The following MSRA variants were observed in gnomAD, a reference collection of about 807,000 sequenced individuals.
MSRA encodes the protein methionine sulfoxide reductase A, also known as mitochondrial peptide methionine sulfoxide reductase.
Under a neutral mutation model 31.3 loss-of-function variants are expected in MSRA, and 54 were observed. The ratio of observed to expected loss-of-function variants is 1.73; its 90% CI spans 1.39 to 2.17. MSRA has a LOEUF of 2.17. Ranked by LOEUF, MSRA falls within the 30% of genes most tolerant of loss-of-function variation. The probability of loss-of-function intolerance (pLI) is 0.00; values close to 1 mark genes in which losing one functional copy is unlikely to be tolerated. For synonymous variants in MSRA, 169 were observed against 116.5 expected (o/e 1.45, Z -2.90); for missense variants, 507 against 300.9 (o/e 1.69, Z -5.07).
intron 5 of MSRA, among the ~76,000 whole-genome samples, chr8:10,360,844 C>T (rs1804804980): frequency 6.6e-6 from 1 of 152,104 alleles, no homozygotes; most frequent in Non-Finnish European, 1.5e-5. Context: ...TAATGAGTTT[C>T]AAATGTGGAA....
chr8:10,306,668 G>C (rs138828729), intron 4 of MSRA, among the ~76,000 whole-genome samples: 2 of 152,174 alleles, frequency 1.3e-5, no homozygotes, highest in African/African-American at 4.8e-5. Context: ...CAGGTTCCCA[G>C]CATTTCATGG....
At chr8:10,168,040 C>G (rs1258003768) in intron 1 of MSRA, among the ~76,000 whole-genome samples, 1 of 152,226 alleles carries the variant, frequency 6.6e-6, no homozygotes, top group Non-Finnish European at 1.5e-5. Flanking sequence ...TGGAACCCAA[C>G]AGTTTGGGTT....
intron 1 of MSRA, chr8:10,096,175 G>T (rs569336625): frequency 8.0e-7 from 1 of 1,254,664 alleles, no homozygotes; most frequent in East Asian, 3.0e-5. Context: ...ATGTGTTTAA[G>T]AAAACGTTTT....
intron 5 of MSRA, among the ~76,000 whole-genome samples, chr8:10,333,176 A>G (rs1802805847): frequency 6.6e-6 from 1 of 152,108 alleles, no homozygotes; most frequent in Admixed American, 6.5e-5. Context: ...ATGAATTCAC[A>G]TTTCTCCACG....
intron 5 of MSRA, among the ~76,000 whole-genome samples, chr8:10,411,906 G>C (rs1015722748): frequency 1.3e-5 from 2 of 152,190 alleles, no homozygotes; most frequent in African/African-American, 2.4e-5. Flanking sequence ...GAACAGCCCT[G>C]TTCTGTGGAC....
At chr8:10,410,559 G>A (rs535745907) in intron 5 of MSRA, among the ~76,000 whole-genome samples, 1 of 152,306 alleles carries the variant, frequency 6.6e-6, no homozygotes, top group East Asian at 1.9e-4. Flanking sequence ...GCACTGAGAG[G>A]TAGATATCTT....
At chr8:10,182,484 C>G (rs75202685) in intron 1 of MSRA, among the ~76,000 whole-genome samples, 3,359 of 152,290 alleles carry the variant, frequency 0.022, 110 homozygotes, top group African/African-American at 0.075. Flanking sequence ...GTGGAGAGCT[C>G]ATCTGAAGGC....
At position 10,339,285 on chromosome 8, in the gene MSRA, C is replaced by A. The variant is rs1803257004; in HGVS notation, c.543+19296C>A. Among the ~76,000 whole-genome samples the A allele has an allele frequency of 2.0e-5, 3 of 152,260 alleles. No homozygotes were observed. The South Asian group carries it at 6.2e-4, about 32-fold the overall frequency. ...ATCTGAGCATGGAGACAGGCCCTTT[C>A]TGTAACTTTTCTGGCTAAATAACTT... On this transcript the variant is annotated intron_variant, in intron 5 of 5. Coordinates refer to ENST00000317173, the MANE Select transcript of MSRA (RefSeq NM_012331.5).
chr8:10,313,295 T>A (rs1801536538), intron 4 of MSRA, among the ~76,000 whole-genome samples: 1 of 152,184 alleles, frequency 6.6e-6, no homozygotes, highest in Non-Finnish European at 1.5e-5. Context: ...GTGAAGCTTC[T>A]GTCAGCCTAG....
chr8:10,239,199 G>C (rs536272731), intron 2 of MSRA, among the ~76,000 whole-genome samples: 2 of 151,784 alleles, frequency 1.3e-5, no homozygotes, highest in African/African-American at 4.8e-5. Flanking sequence ...GTTTTGCTCT[G>C]TTGCCAGGCT....
chr8:10,231,165 C>T (rs921854908), intron 2 of MSRA, among the ~76,000 whole-genome samples: 3 of 152,048 alleles, frequency 2.0e-5, no homozygotes, highest in East Asian at 1.9e-4. Flanking sequence ...ATGAGAAAGG[C>T]GGCAAGGAGG....
At chr8:10,402,718 G>C (rs1446132369) in intron 5 of MSRA, among the ~76,000 whole-genome samples, 2 of 152,232 alleles carry the variant, frequency 1.3e-5, no homozygotes, top group East Asian at 1.9e-4. Context: ...GGAAGGTTTA[G>C]TTGCAGATGG....
At chr8:10,177,501 T>C (rs1258420491) in intron 1 of MSRA, among the ~76,000 whole-genome samples, 1 of 152,212 alleles carries the variant, frequency 6.6e-6, no homozygotes, top group Non-Finnish European at 1.5e-5. Context: ...TGTGTTGTTA[T>C]CCACCTCTTC....
intron 3 of MSRA, among the ~76,000 whole-genome samples, chr8:10,280,564 C>T (rs1008264592): frequency 2.0e-5 from 3 of 152,146 alleles, no homozygotes; most frequent in African/African-American, 7.2e-5. Flanking sequence ...TCATACACTG[C>T]TGGTATGAAG....
chr8:10,073,074 T>G (rs1199512996), intron 1 of MSRA, among the ~76,000 whole-genome samples: 2 of 152,154 alleles, frequency 1.3e-5, no homozygotes, highest in East Asian at 3.8e-4. Flanking sequence ...TTGTTTTTCT[T>G]GCCTTATTTC....
intron 3 of MSRA, among the ~76,000 whole-genome samples, chr8:10,253,373 T>C (rs1401231157): frequency 6.6e-6 from 1 of 152,210 alleles, no homozygotes; most frequent in Non-Finnish European, 1.5e-5. Context: ...CGTCTCTCCT[T>C]GAACAGCTTA....
At chr8:10,396,089 T>C (rs1807080871) in intron 5 of MSRA, among the ~76,000 whole-genome samples, 1 of 152,158 alleles carries the variant, frequency 6.6e-6, no homozygotes, top group Admixed American at 6.5e-5. Context: ...CACCTTTTCA[T>C]CTCTCAGGCC....
At chr8:10,189,637 A>G (rs765220329) in intron 1 of MSRA, among the ~76,000 whole-genome samples, 4 of 152,172 alleles carry the variant, frequency 2.6e-5, no homozygotes, top group Non-Finnish European at 4.4e-5. Flanking sequence ...GGTAAATGAC[A>G]TTAATTGAAT....
intron 2 of MSRA, among the ~76,000 whole-genome samples, chr8:10,224,731 G>A (rs116192849): frequency 0.016 from 2,461 of 152,296 alleles, 78 homozygotes; most frequent in African/African-American, 0.056. Context: ...TGGTACAGCT[G>A]TGATCATATC....
Sources: gnomAD v4.1 joint callset for allele counts (sites outside exome capture counted in the v4.1 genomes callset) on GRCh38, gnomAD v4.1.1 for gene constraint, MANE v1.5 for transcripts, NCBI Gene and HGNC (gene_info 2026-07-23, HGNC 2026-07-21) for gene names.